The following IGFL2 variants were observed in gnomAD, a reference collection of about 807,000 sequenced individuals.
The protein encoded by IGFL2 is IGF like family member 2.
IGFL2 carries 7 observed loss-of-function variants against 13.9 expected under a neutral mutation model. The observed-to-expected ratio is 0.51, with a 90% confidence interval of 0.29 to 0.95. IGFL2 has a LOEUF of 0.95. IGFL2 is among the 40% of genes least tolerant of loss of function. The pLI is 0.08. For synonymous variants in IGFL2, 55 were observed against 55.8 expected (o/e 0.99, Z 0.07); for missense variants, 138 against 147.8 (o/e 0.93, Z 0.34).
chr19:46,086,938 A>G, the IGFL2 span, among the ~76,000 whole-genome samples: 25 of 152,132 alleles, frequency 1.6e-4, no homozygotes, highest in Non-Finnish European at 7.4e-5. Flanking sequence ...TTAGGGTGCA[A>G]TTGTTAGTGA....
At chr19:46,178,148 A>C in the IGFL2 span, among the ~76,000 whole-genome samples, 1 of 152,082 alleles carries the variant, frequency 6.6e-6, no homozygotes, top group Non-Finnish European at 1.5e-5. Flanking sequence ...ATGGTGGCGC[A>C]TGCCTGTAAT....
chr19:46,165,350 A>G (rs1335423126), downstream of IGFL2, among the ~76,000 whole-genome samples: 1 of 152,216 alleles, frequency 6.6e-6, no homozygotes, highest in East Asian at 1.9e-4. Context: ...ACTACATATC[A>G]TGCCTTACAG....
At chr19:46,183,101 G>A in the IGFL2 span, among the ~76,000 whole-genome samples, 1 of 152,118 alleles carries the variant, frequency 6.6e-6, no homozygotes, top group Non-Finnish European at 1.5e-5. Flanking sequence ...CGGGAAACTC[G>A]ACTTCAATTA....
the IGFL2 span, among the ~76,000 whole-genome samples, chr19:46,103,307 A>G: frequency 6.6e-6 from 1 of 152,156 alleles, no homozygotes; most frequent in Non-Finnish European, 1.5e-5. Context: ...TGGAGGAAAA[A>G]GAAATGCAAA....
At chr19:46,212,734 TC>T in the IGFL2 span, 1 of 151,760 alleles carries the variant, frequency 6.6e-6, no homozygotes, top group African/African-American at 2.4e-5. Flanking sequence ...TCTCTCTCTC[TC>T]TCCTCTCACT....
chr19:46,093,535 C>A, the IGFL2 span, among the ~76,000 whole-genome samples: 2,018 of 152,172 alleles, frequency 0.013, 31 homozygotes, highest in Middle Eastern at 0.027. Flanking sequence ...TCATCTTTGT[C>A]CTGGAAGTCC....
the IGFL2 span, among the ~76,000 whole-genome samples, chr19:46,102,207 G>A: frequency 3.9e-5 from 6 of 152,136 alleles, no homozygotes; most frequent in South Asian, 2.1e-4. Flanking sequence ...TTTCATGCGC[G>A]CGTCTGTGTG....
chr19:46,178,906 A>T, the IGFL2 span, among the ~76,000 whole-genome samples: 1 of 152,148 alleles, frequency 6.6e-6, no homozygotes, highest in East Asian at 1.9e-4. Flanking sequence ...AACTTCCTCG[A>T]CTCTGTTCCC....
At chr19:46,139,663 A>G (rs1222516904), upstream of IGFL2, among the ~76,000 whole-genome samples, 1 of 152,170 alleles carries the variant, frequency 6.6e-6, no homozygotes, top group Non-Finnish European at 1.5e-5. Context: ...ACTTAGCTTG[A>G]AAAAAGTAAC....
the IGFL2 span, among the ~76,000 whole-genome samples, chr19:46,115,729 T>A: frequency 6.6e-6 from 1 of 152,200 alleles, no homozygotes; most frequent in Non-Finnish European, 1.5e-5. Flanking sequence ...GGAGGCCAGC[T>A]GCTCTTGACA....
chr19:46,196,442 G>A, the IGFL2 span, among the ~76,000 whole-genome samples: 4 of 152,060 alleles, frequency 2.6e-5, no homozygotes, highest in Admixed American at 6.6e-5. Flanking sequence ...ATCCACAGCT[G>A]TTTCAGTCCC....
intron 1 of IGFL2, among the ~76,000 whole-genome samples, chr19:46,157,176 C>T (rs1467161828): frequency 6.6e-6 from 1 of 152,094 alleles, no homozygotes; most frequent in Admixed American, 6.5e-5. Context: ...GATGGTTGCA[C>T]CTGAGAATCT....
chr19:46,149,908 C>T (rs567909336), intron 1 of IGFL2, among the ~76,000 whole-genome samples: 1 of 152,308 alleles, frequency 6.6e-6, no homozygotes, highest in Admixed American at 6.5e-5. Flanking sequence ...AGTGGAATTG[C>T]TACGCCACAT....
upstream of IGFL2, among the ~76,000 whole-genome samples, chr19:46,145,511 T>C (rs1428085010): frequency 6.6e-6 from 1 of 151,962 alleles, no homozygotes; most frequent in Non-Finnish European, 1.5e-5. Context: ...CCAGTAACTC[T>C]TAGTTCCTTT....
chr19:46,206,581 T>C, the IGFL2 span, among the ~76,000 whole-genome samples: 1 of 152,192 alleles, frequency 6.6e-6, no homozygotes, highest in Non-Finnish European at 1.5e-5. Context: ...TTCCTTCCAG[T>C]GTTTAGTAAC....
the IGFL2 span, among the ~76,000 whole-genome samples, chr19:46,084,317 G>A: frequency 2.0e-5 from 3 of 152,324 alleles, no homozygotes; most frequent in African/African-American, 7.2e-5. Flanking sequence ...TTGGTCTAGA[G>A]TATAGTTTGA....
chr19:46,172,831 C>A, the IGFL2 span, among the ~76,000 whole-genome samples: 3 of 152,130 alleles, frequency 2.0e-5, no homozygotes, highest in Non-Finnish European at 4.4e-5. Context: ...AATCCTACCA[C>A]CTCAGCCCTC....
the IGFL2 span, chr19:46,124,512 G>C: frequency 8.3e-7 from 1 of 1,207,362 alleles, no homozygotes; most frequent in South Asian, 1.2e-5. Context: ...GTGACTAGTA[G>C]GGCACAGGAG....
the IGFL2 span, among the ~76,000 whole-genome samples, chr19:46,117,285 A>C: frequency 6.6e-6 from 1 of 152,120 alleles, no homozygotes; most frequent in Non-Finnish European, 1.5e-5. Context: ...AGGTGTCACT[A>C]TGTTGCCCAG....
Sources: allele counts gnomAD v4.1 joint callset (sites outside exome capture counted in the v4.1 genomes callset), GRCh38; gene constraint gnomAD v4.1.1; transcripts MANE v1.5; gene names NCBI Gene and HGNC (gene_info 2026-07-23, HGNC 2026-07-21).